The following CLDN1 variants were observed in gnomAD, a reference collection of about 807,000 sequenced individuals.
CLDN1 encodes claudin-1.
A neutral mutation model predicts 22.6 loss-of-function variants in CLDN1; 12 were observed. The ratio of observed to expected loss-of-function variants is 0.53; its 90% CI spans 0.34 to 0.86. CLDN1 has a LOEUF of 0.86. Among genes scored for constraint, CLDN1 ranks in the 40% least tolerant of loss-of-function variants. The probability of loss-of-function intolerance (pLI) is 0.02; values close to 1 mark genes in which losing one functional copy is unlikely to be tolerated. For missense variants in CLDN1, 250 were observed against 269.5 expected, an observed-to-expected ratio of 0.93 and a Z score of 0.51; for synonymous variants, 99 against 103.8, an observed-to-expected ratio of 0.95 and a Z score of 0.28.
At position 190,307,950 on chromosome 3, in the gene CLDN1, TA is replaced by T. The variant is rs1716503158; in HGVS notation, c.*326del. 1 of 208,908 alleles carries T rather than the reference TA, an allele frequency of 4.8e-6. No homozygotes were observed. Among genetic ancestry groups the T allele is most frequent in the Admixed American group, 5.3e-5 (1 of 19,038 alleles). 12.9% of individuals were successfully genotyped at this position (208,908 alleles called of 1,614,324 possible). A position where few individuals can be genotyped will look rare whatever the true frequency, so the allele number is the denominator to read the frequency against. Reference sequence around the variant, plus strand: ...ATAATGAGAATAGTATTTTACTGTCTATTTTTAATAGAAAAACATGTATATA... The same window carrying T: ...ATAATGAGAATAGTATTTTACTGTCTTTTTTAATAGAAAAACATGTATATA... On this transcript the variant is annotated 3_prime_UTR_variant, in exon 4 of 4. Coordinates refer to ENST00000295522, the MANE Select transcript of CLDN1 (RefSeq NM_021101.5).
At position 190,306,925 on chromosome 3, in the gene CLDN1, C is replaced by G. The variant is rs1172552176; in HGVS notation, c.*1352G>C. Reference sequence around the variant, plus strand: ...TGAAGGTATGTGTGTAGGTTTTGTTCAGTGGAAATAGACTGGTAGAGAGAG... The same window carrying G: ...TGAAGGTATGTGTGTAGGTTTTGTTGAGTGGAAATAGACTGGTAGAGAGAG... On this transcript the variant is annotated 3_prime_UTR_variant, in exon 4 of 4. Coordinates refer to ENST00000295522, the MANE Select transcript of CLDN1 (RefSeq NM_021101.5). 2.0e-5 allele frequency: 3 copies of G among 152,474 alleles called. No homozygotes were observed. The highest frequency in any genetic ancestry group is 2.9e-5 in the Non-Finnish European group (2 of 68,044). 9.4% of individuals were successfully genotyped at this position (152,474 alleles called of 1,614,324 possible). A position where few individuals can be genotyped will look rare whatever the true frequency, so the allele number is the denominator to read the frequency against.
chr3:190,317,509 A>G (rs1716801805), intron 1 of CLDN1, among the ~76,000 whole-genome samples: 1 of 152,242 alleles, frequency 6.6e-6, no homozygotes, highest in Non-Finnish European at 1.5e-5. Context: ...AATGTGTAGA[A>G]AGACAGACAT....
At chr3:190,312,532 C>G (rs1716650348) in intron 2 of CLDN1, among the ~76,000 whole-genome samples, 1 of 152,162 alleles carries the variant, frequency 6.6e-6, no homozygotes, top group Non-Finnish European at 1.5e-5. Flanking sequence ...CCATCTTTTC[C>G]ACATAGTATC....
chr3:190,310,788 G>C (rs939996616), intron 2 of CLDN1, among the ~76,000 whole-genome samples: 3 of 152,102 alleles, frequency 2.0e-5, no homozygotes, highest in Non-Finnish European at 4.4e-5. Flanking sequence ...ATTGGCCAAG[G>C]GAATACCTGA....
intron 2 of CLDN1, 134 bp from the exon 3 acceptor site, chr3:190,310,387 G>T: frequency 1.5e-6 from 1 of 668,676 alleles, no homozygotes. Context: ...TTTGGTATTA[G>T]GGAGATTAGA....
Position 190,321,976 on chromosome 3 carries a change from G to A in CLDN1, c.223+8C>T. ...TGGACGGCCGCTGTGAGGTGGGGGT[G>A]CACTCACTGCTCAGATTCAGCAAGG... On this transcript the variant is annotated splice_region_variant and intron_variant, in intron 1 of 3. Transcript: ENST00000295522. 1 of 1,610,988 alleles carries A rather than the reference G, an allele frequency of 6.2e-7. No homozygotes were observed. The highest frequency in any genetic ancestry group is 8.5e-7 in the Non-Finnish European group (1 of 1,177,200).
In CLDN1 at chr3:190,305,804, G is replaced by A. The variant is rs1268646183; in HGVS notation, c.*2473C>T. The A allele has an allele frequency of 6.6e-6, 1 of 152,152 alleles. No homozygotes were observed. Among genetic ancestry groups the A allele is most frequent in the African/African-American group, 2.4e-5 (1 of 41,428 alleles). The allele number at this position is 152,152 out of a possible 1,614,324, so 9.4% of individuals were successfully genotyped here. On this transcript the variant is annotated 3_prime_UTR_variant, in exon 4 of 4. Coordinates refer to ENST00000295522, the MANE Select transcript of CLDN1 (RefSeq NM_021101.5). ...AATGTCTATTGGTCTGTTTCCAGGTGTGGTAGAAGAATATAAAAAGATCAA... is the reference window on the plus strand; with the variant it reads ...AATGTCTATTGGTCTGTTTCCAGGTATGGTAGAAGAATATAAAAAGATCAA...
At chr3:190,313,249 C>T in intron 1 of CLDN1, 6 of 566,726 alleles carry the variant, frequency 1.1e-5, no homozygotes. Context: ...AAAAAGAGAT[C>T]CCTCCACTCC....
chr3:190,313,346 A>G, intron 1 of CLDN1: 1 of 339,204 alleles, frequency 2.9e-6, no homozygotes. Flanking sequence ...GAACTAATAC[A>G]TATTTATTTT....
chr3:190,320,271 A>G (rs991320857), intron 1 of CLDN1, among the ~76,000 whole-genome samples: 2 of 152,246 alleles, frequency 1.3e-5, no homozygotes, highest in African/African-American at 4.8e-5. Context: ...GATGTTGAAA[A>G]GGAACTATTT....
At chr3:190,313,190 C>T in intron 1 of CLDN1, 154 bp from the exon 2 acceptor site, 1 of 750,738 alleles carries the variant, frequency 1.3e-6, no homozygotes, top group Non-Finnish European at 2.2e-6. Context: ...CGCTGGTAAC[C>T]CAATATACAG....
At position 190,305,775 on chromosome 3, in the gene CLDN1, C is replaced by A. The variant is rs1351377677; in HGVS notation, c.*2502G>T. 2 of 151,964 alleles carry A rather than the reference C, an allele frequency of 1.3e-5. No individual in the cohort carries two copies. The highest frequency in any genetic ancestry group is 4.8e-5 in the African/African-American group (2 of 41,384). The allele number at this position is 151,964 out of a possible 1,614,324, so 9.4% of individuals were successfully genotyped here. On this transcript the variant is annotated 3_prime_UTR_variant, in exon 4 of 4. Transcript: ENST00000295522. ...TTATACAAATTCCTATTATAAAACC[C>A]CAAAATGTCTATTGGTCTGTTTCCA...
rs1443525483 is a variant in CLDN1, at chr3:190,322,221, C to T, written c.-15G>A. On this transcript the variant is annotated 5_prime_UTR_variant, in exon 1 of 4. Coordinates refer to ENST00000295522, the MANE Select transcript of CLDN1 (RefSeq NM_021101.5). ...GCGTTGGCCATGACTCGCTCGGGCG[C>T]CCGCGCTGGCTCAGGGGTGGCAGGT... The T allele has an allele frequency of 6.8e-6, 11 of 1,611,928 alleles. No individual in the cohort carries two copies. Among genetic ancestry groups the T allele is most frequent in the Non-Finnish European group, 9.3e-6 (11 of 1,179,276 alleles).
At position 190,322,169 on chromosome 3, in the gene CLDN1, A is replaced by G. The variant is rs1183985000; in HGVS notation, c.38T>C (p.Leu13Pro). The stretch of plus-strand genomic sequence containing the variant: ...GGCGCCGATCCATCCCAGGAAGGCG[A>G]GAATGAAGCCCAACAGCTGCAGCCC... ...NAGLQLLGFI[L>P]AFLGWIGAIV... The change falls in exon 1 of 4, where the codon CTC (leucine) becomes CCC (proline). Residue 13 changes from leucine (L) to proline (P), a missense_variant. Coordinates refer to ENST00000295522, the MANE Select transcript of CLDN1 (RefSeq NM_021101.5). 1 of 1,614,098 alleles carries G rather than the reference A, an allele frequency of 6.2e-7. No homozygotes were observed. Among genetic ancestry groups the G allele is most frequent in the South Asian group, 1.1e-5 (1 of 91,088 alleles).
chr3:190,310,357 A>G, intron 2 of CLDN1, 104 bp from the exon 3 acceptor site: 1 of 788,768 alleles, frequency 1.3e-6, no homozygotes, highest in Non-Finnish European at 2.2e-6. Flanking sequence ...AAATCTCATC[A>G]ATAGTGTTGA....
intron 1 of CLDN1, among the ~76,000 whole-genome samples, chr3:190,314,319 A>T (rs1459470005): frequency 6.6e-6 from 1 of 152,128 alleles, no homozygotes; most frequent in Non-Finnish European, 1.5e-5. Context: ...TATTTCTAAA[A>T]CTTCATTAAA....
intron 1 of CLDN1, among the ~76,000 whole-genome samples, chr3:190,318,566 G>A (rs1384035911): frequency 2.0e-5 from 3 of 152,064 alleles, no homozygotes; most frequent in African/African-American, 7.2e-5. Context: ...TTGAAACCAG[G>A]GAGATCAAGT....
chr3:190,308,442 A>T lies in CLDN1; in HGVS notation c.474-3T>A. The T allele has an allele frequency of 1.2e-6, 2 of 1,613,494 alleles. No homozygotes were observed. The highest frequency in any genetic ancestry group is 1.1e-5 in the South Asian group (1 of 91,066). ...AGAGAGCCTGACCAAATTCGTACCT[A>T]AAAGGAAAAACCCATGTGCTTGTTA... On this transcript the variant is annotated splice_region_variant and splice_polypyrimidine_tract_variant and intron_variant, in intron 3 of 3. Transcript: ENST00000295522.
At position 190,308,080 on chromosome 3, in the gene CLDN1, G is replaced by C. The variant is rs1175148153; in HGVS notation, c.*197C>G. 8.2e-6 allele frequency: 5 copies of C among 610,442 alleles called. No individual in the cohort carries two copies. In the African/African-American group the frequency reaches 9.3e-5, roughly 11 times the overall value. The allele number at this position is 610,442 out of a possible 1,614,324, so 37.8% of individuals were successfully genotyped here. The stretch of plus-strand genomic sequence containing the variant: ...GGAAAAATCTTCCCTCCTATATTGA[G>C]GAAAGAAGATAAAATAAGATTAAGC... On this transcript the variant is annotated 3_prime_UTR_variant, in exon 4 of 4. Coordinates refer to ENST00000295522, the MANE Select transcript of CLDN1 (RefSeq NM_021101.5).
Sources: allele counts gnomAD v4.1 joint callset (sites outside exome capture counted in the v4.1 genomes callset), GRCh38; gene constraint gnomAD v4.1.1; transcripts MANE v1.5; gene names NCBI Gene and HGNC (gene_info 2026-07-23, HGNC 2026-07-21).